Variants in GUCY1A2 observed in about 807,000 individuals in gnomAD.
GUCY1A2 encodes the protein guanylate cyclase soluble subunit alpha-2.
A neutral mutation model predicts 63.5 loss-of-function variants in GUCY1A2; 27 were observed. That is an observed-to-expected ratio of 0.43 (90% confidence interval 0.31 to 0.59). The LOEUF is 0.59. Ranked by LOEUF, GUCY1A2 falls within the 20% of genes least tolerant of loss-of-function variation. The pLI is 0.11. For missense variants in GUCY1A2, 768 were observed against 913.3 expected (o/e 0.84, Z 2.05); for synonymous variants, 364 against 343.5 (o/e 1.06, Z -0.66).
chr11:106,796,602 C>T (rs1479212045), intron 5 of GUCY1A2, among the ~76,000 whole-genome samples: 3 of 152,110 alleles, frequency 2.0e-5, no homozygotes, highest in African/African-American at 4.8e-5. Flanking sequence ...GAATATCGGC[C>T]CCCACTCTCT....
chr11:106,692,891 G>A (rs1862649991), intron 7 of GUCY1A2, among the ~76,000 whole-genome samples: 2 of 152,176 alleles, frequency 1.3e-5, no homozygotes, highest in African/African-American at 4.8e-5. Context: ...AATAAACCTT[G>A]CTGAAATGAA....
At chr11:106,928,551 A>T (rs780400877) in intron 4 of GUCY1A2, among the ~76,000 whole-genome samples, 1 of 152,144 alleles carries the variant, frequency 6.6e-6, no homozygotes, top group Non-Finnish European at 1.5e-5. Flanking sequence ...TTATTGTATG[A>T]TTCAAACATA....
intron 6 of GUCY1A2, among the ~76,000 whole-genome samples, chr11:106,716,401 G>A (rs1232542490): frequency 6.6e-6 from 1 of 152,172 alleles, no homozygotes; most frequent in Non-Finnish European, 1.5e-5. Flanking sequence ...TGTTAGTTCT[G>A]TTGCATAACG....
At chr11:106,735,953 C>G (rs886094599) in intron 6 of GUCY1A2, among the ~76,000 whole-genome samples, 2 of 151,978 alleles carry the variant, frequency 1.3e-5, no homozygotes, top group Non-Finnish European at 1.5e-5. Flanking sequence ...CTATTCAGAT[C>G]TTTTACTCAT....
intron 6 of GUCY1A2, among the ~76,000 whole-genome samples, chr11:106,730,517 T>G (rs534287125): frequency 6.6e-6 from 1 of 152,148 alleles, no homozygotes; most frequent in African/African-American, 2.4e-5. Flanking sequence ...CAGTCTACCA[T>G]TGATGGACAT....
chr11:106,871,905 A>C (rs1859683845), intron 4 of GUCY1A2, among the ~76,000 whole-genome samples: 1 of 152,222 alleles, frequency 6.6e-6, no homozygotes, highest in Admixed American at 6.6e-5. Flanking sequence ...TAAACTAATT[A>C]GTCAAATCCC....
rs1246304013 is a variant in GUCY1A2, at chr11:106,686,902, A to T, written c.*647T>A. 5.1e-6 allele frequency: 1 copy of T among 197,338 alleles called. No homozygotes were observed. The highest frequency in any genetic ancestry group is 1.0e-5 in the Non-Finnish European group (1 of 95,270). 12.2% of individuals were successfully genotyped at this position (197,338 alleles called of 1,614,324 possible). ...AAGCACTGATCTCTCTAAATAAGGG[A>T]AACTATATTAGATTAATAGGTTAGC... is the stretch of plus-strand genomic sequence containing the variant. On this transcript the variant is annotated 3_prime_UTR_variant, in exon 8 of 8. Coordinates refer to ENST00000526355, the MANE Select transcript of GUCY1A2 (RefSeq NM_000855.3).
At chr11:106,895,631 C>T (rs926164694) in intron 4 of GUCY1A2, among the ~76,000 whole-genome samples, 3 of 152,132 alleles carry the variant, frequency 2.0e-5, no homozygotes, top group Non-Finnish European at 4.4e-5. Context: ...GATTGTGAGG[C>T]CTCCCCAGCC....
At chr11:106,800,564 A>G (rs1327395318) in intron 5 of GUCY1A2, among the ~76,000 whole-genome samples, 1 of 152,204 alleles carries the variant, frequency 6.6e-6, no homozygotes, top group Non-Finnish European at 1.5e-5. Context: ...AGCCATAAAA[A>G]AGGATGAGTT....
chr11:106,848,300 A>G (rs1009904977), intron 4 of GUCY1A2, among the ~76,000 whole-genome samples: 13 of 151,744 alleles, frequency 8.6e-5, no homozygotes, highest in Non-Finnish European at 1.3e-4. Context: ...GCACACAATC[A>G]GTGAATATGA....
chr11:106,714,216 GAACA>G (rs1191221691), intron 6 of GUCY1A2, among the ~76,000 whole-genome samples: 1 of 151,524 alleles, frequency 6.6e-6, no homozygotes, highest in Admixed American at 6.6e-5. Context: ...TCATAGAGAG[GAACA>G]GTCATTAAAA....
chr11:106,860,259 T>C (rs535220086), intron 4 of GUCY1A2, among the ~76,000 whole-genome samples: 3 of 151,134 alleles, frequency 2.0e-5, no homozygotes, highest in South Asian at 4.2e-4. Flanking sequence ...AAACTAAGAG[T>C]AATAGTATGA....
At position 106,682,251 on chromosome 11, in the gene GUCY1A2, A is replaced by C. The variant is rs928695927; in HGVS notation, c.*5298T>G. ...GAGGCCTAGAGTATTTAACTTTTCA[A>C]AATAACTACAAATGAAATAACATCA... On this transcript the variant is annotated 3_prime_UTR_variant, in exon 8 of 8. Transcript: ENST00000526355. The C allele has an allele frequency of 9.3e-6, 2 of 215,006 alleles. No individual in the cohort carries two copies. Among genetic ancestry groups the C allele is most frequent in the African/African-American group, 4.5e-5 (2 of 44,152 alleles). The allele number at this position is 215,006 out of a possible 1,614,324, so 13.3% of individuals were successfully genotyped here.
chr11:106,965,121 G>A (rs915563552), intron 3 of GUCY1A2, among the ~76,000 whole-genome samples: 3 of 151,810 alleles, frequency 2.0e-5, no homozygotes, highest in African/African-American at 4.8e-5. Flanking sequence ...AATGGAAGAT[G>A]TGTCACAATT....
intron 6 of GUCY1A2, among the ~76,000 whole-genome samples, chr11:106,720,356 G>C (rs1863294783): frequency 6.6e-6 from 1 of 152,198 alleles, no homozygotes; most frequent in South Asian, 2.1e-4. Flanking sequence ...AGAAGCCCTT[G>C]CAGCAGCATG....
intron 3 of GUCY1A2, among the ~76,000 whole-genome samples, chr11:106,943,721 T>C (rs1860783529): frequency 6.6e-6 from 1 of 152,214 alleles, no homozygotes; most frequent in South Asian, 2.1e-4. Context: ...CCTTTTAAGG[T>C]TGCACTTGTG....
At chr11:106,924,103 G>T (rs1264016109) in intron 4 of GUCY1A2, among the ~76,000 whole-genome samples, 2 of 152,134 alleles carry the variant, frequency 1.3e-5, no homozygotes, top group Admixed American at 6.6e-5. Flanking sequence ...TTTTCCAGAA[G>T]CAGTACACAT....
chr11:106,904,267 C>T (rs562534806), intron 4 of GUCY1A2, among the ~76,000 whole-genome samples: 2 of 152,180 alleles, frequency 1.3e-5, no homozygotes, highest in East Asian at 3.9e-4. Context: ...GTATCTCATC[C>T]AAAATGGAGA....
intron 6 of GUCY1A2, among the ~76,000 whole-genome samples, chr11:106,747,026 C>T (rs1466220115): frequency 6.6e-6 from 1 of 152,134 alleles, no homozygotes; most frequent in Non-Finnish European, 1.5e-5. Flanking sequence ...CTCGCTCTGT[C>T]GCCCACGCTG....
Sources: allele counts gnomAD v4.1 joint callset (sites outside exome capture counted in the v4.1 genomes callset), GRCh38; gene constraint gnomAD v4.1.1; transcripts MANE v1.5; gene names NCBI Gene and HGNC (gene_info 2026-07-23, HGNC 2026-07-21).